FYN: variants seen among roughly 807,000 people sequenced by gnomAD.
FYN encodes the protein FYN proto-oncogene, Src family tyrosine kinase.
A neutral mutation model predicts 70.2 loss-of-function variants in FYN; 10 were observed. That is an observed-to-expected ratio of 0.14 (90% CI 0.09 to 0.24). FYN has a LOEUF of 0.24. Among genes scored for constraint, FYN ranks in the 10% least tolerant of loss-of-function variants. The probability of loss-of-function intolerance (pLI) is 1.00; values close to 1 mark genes in which losing one functional copy is unlikely to be tolerated. For missense variants in FYN, 319 were observed against 673.1 expected (o/e 0.47, Z 5.82); for synonymous variants, 236 against 248.6 (o/e 0.95, Z 0.48).
At chr6:111,741,368 C>T (rs1801955129) in intron 3 of FYN, among the ~76,000 whole-genome samples, 1 of 152,112 alleles carries the variant, frequency 6.6e-6, no homozygotes, top group South Asian at 2.1e-4. Context: ...ATGCTAATGG[C>T]TATGGTGAGA....
At chr6:111,728,861 C>T (rs1197600700) in intron 3 of FYN, among the ~76,000 whole-genome samples, 1 of 151,798 alleles carries the variant, frequency 6.6e-6, no homozygotes, top group East Asian at 1.9e-4. Flanking sequence ...ATTAATATTT[C>T]AATATATAAG....
At chr6:111,689,975 C>A (rs1369449576) in intron 12 of FYN, among the ~76,000 whole-genome samples, 1 of 152,226 alleles carries the variant, frequency 6.6e-6, no homozygotes, top group Non-Finnish European at 1.5e-5. Context: ...TGCTTACACA[C>A]AGCCATGTCT....
chr6:111,692,108 C>CA lies in FYN; in HGVS notation c.1273+2266_1273+2267insT, dbSNP rs112271937. Among the ~76,000 whole-genome samples the CA allele has an allele frequency of 1.6e-3, 242 of 149,620 alleles. 3 individuals are homozygous for CA. Among genetic ancestry groups the CA allele is most frequent in the African/African-American group, 5.3e-3 (219 of 41,000 alleles). The stretch of plus-strand genomic sequence containing the variant: ...GCCTTGCCAAGCTTCATTTCCCCCC[C>CA]CCCCAGTTCAGCTCTCCAGTTCACT... On this transcript the variant is annotated intron_variant, in intron 12 of 13. Coordinates refer to ENST00000354650, the MANE Select transcript of FYN (RefSeq NM_002037.5).
chr6:111,707,548 C>T (rs976952064), intron 6 of FYN, among the ~76,000 whole-genome samples: 1 of 146,960 alleles, frequency 6.8e-6, no homozygotes, highest in African/African-American at 2.7e-5. Context: ...CAATTACTTG[C>T]TACTCTCCCC....
intron 2 of FYN, among the ~76,000 whole-genome samples, chr6:111,818,332 C>T (rs1481225314): frequency 2.0e-5 from 3 of 152,068 alleles, no homozygotes; most frequent in Non-Finnish European, 4.4e-5. Flanking sequence ...CAGCACACAC[C>T]CAACACACAA....
chr6:111,682,671 T>C (rs948996580), intron 12 of FYN, among the ~76,000 whole-genome samples: 2 of 152,038 alleles, frequency 1.3e-5, no homozygotes, highest in Non-Finnish European at 2.9e-5. Flanking sequence ...TGGGATTGAG[T>C]GGTCACTTGT....
intron 3 of FYN, among the ~76,000 whole-genome samples, chr6:111,765,801 G>A (rs1803208313): frequency 6.6e-6 from 1 of 151,388 alleles, no homozygotes. Flanking sequence ...GATCCTTGCA[G>A]CAGATTAGAC....
Position 111,674,492 on chromosome 6 carries a change from C to G in FYN, c.1405+7G>C. 1.2e-6 allele frequency: 2 copies of G among 1,611,036 alleles called. No individual in the cohort carries two copies. Among genetic ancestry groups the G allele is most frequent in the Non-Finnish European group, 1.7e-6 (2 of 1,178,194 alleles). On this transcript the variant is annotated splice_region_variant and intron_variant, in intron 13 of 13. Transcript: ENST00000354650. ...TCAGGCCCATGTCTGTGAGGCCCTG[C>G]TCTTACCTGGGTATGGCACTCTTCC...
At position 111,855,262 on chromosome 6, in the gene FYN, G is replaced by A. The variant is rs1043334642; in HGVS notation, c.-122-8633C>T. 3.9e-5 allele frequency among the ~76,000 whole-genome samples: 6 copies of A among 152,154 alleles called. No individual in the cohort carries two copies. In the South Asian group the frequency reaches 8.3e-4, roughly 21 times the overall value. On this transcript the variant is annotated intron_variant, in intron 1 of 13. Transcript: ENST00000354650. ...AAGTTTATTTTGTCACAGGTAAAAC[G>A]TCTCATATTATTGTAAATGCTACTG... is the stretch of plus-strand genomic sequence containing the variant.
chr6:111,713,304 C>G (rs1001276674), intron 5 of FYN, among the ~76,000 whole-genome samples: 1 of 152,128 alleles, frequency 6.6e-6, no homozygotes, highest in Non-Finnish European at 1.5e-5. Flanking sequence ...GCAGTGTGAC[C>G]AGGGCTGCCT....
intron 3 of FYN, among the ~76,000 whole-genome samples, chr6:111,765,523 T>G (rs1317523707): frequency 2.0e-5 from 3 of 152,190 alleles, no homozygotes; most frequent in African/African-American, 7.2e-5. Flanking sequence ...AATATGATTC[T>G]GTTGTTGAAG....
At chr6:111,713,550 A>C (rs953440181) in intron 5 of FYN, among the ~76,000 whole-genome samples, 7 of 151,034 alleles carry the variant, frequency 4.6e-5, no homozygotes, top group East Asian at 2.0e-4. Context: ...CCACCCCCCC[A>C]CACTTTCTTC....
intron 12 of FYN, among the ~76,000 whole-genome samples, chr6:111,686,443 G>A (rs1181939351): frequency 6.6e-6 from 1 of 152,112 alleles, no homozygotes; most frequent in African/African-American, 2.4e-5. Flanking sequence ...TCTCTCCCTA[G>A]ACAGCCCTCA....
At chr6:111,666,334 G>A (rs751447936) in intron 13 of FYN, among the ~76,000 whole-genome samples, 13 of 152,284 alleles carry the variant, frequency 8.5e-5, no homozygotes, top group Non-Finnish European at 1.5e-4. Context: ...GAAGAGCCAC[G>A]TTCGAGCAGT....
At chr6:111,680,397 G>A (rs1798731476) in intron 12 of FYN, among the ~76,000 whole-genome samples, 1 of 152,192 alleles carries the variant, frequency 6.6e-6, no homozygotes, top group African/African-American at 2.4e-5. Flanking sequence ...ATAAGATGGG[G>A]TACAAGGACA....
intron 1 of FYN, among the ~76,000 whole-genome samples, chr6:111,867,902 T>G (rs1774160524): frequency 1.3e-5 from 2 of 152,214 alleles, no homozygotes; most frequent in Admixed American, 1.3e-4. Flanking sequence ...CAAGAATCTT[T>G]CTCAGTTTCT....
chr6:111,754,899 C>A (rs957162188), intron 3 of FYN, among the ~76,000 whole-genome samples: 1 of 151,102 alleles, frequency 6.6e-6, no homozygotes. Context: ...TAAAAGGACT[C>A]GAAATTCTGT....
chr6:111,811,809 G>C (rs1409850875), intron 2 of FYN, among the ~76,000 whole-genome samples: 1 of 152,222 alleles, frequency 6.6e-6, no homozygotes, highest in Non-Finnish European at 1.5e-5. Flanking sequence ...GCTGTGGGTT[G>C]CTAAACTGTC....
rs1186767915 is a variant in FYN at position 111,696,416 on chromosome 6, A to G, written c.903T>C (p.Leu301=). The part of the protein sequence containing the change: ...NGNTKVAIKT[L]KPGTMSPESF... Reference sequence around the variant, plus strand: ...ATTCGGGGGACATTGTGCCTGGTTTAAGAGTCTTTATGGCTACTTTTGTGT... The same window carrying G: ...ATTCGGGGGACATTGTGCCTGGTTTGAGAGTCTTTATGGCTACTTTTGTGT... Residue 301 remains leucine, a synonymous_variant, in exon 10 of 14, where the codon CTT becomes CTC. Transcript: ENST00000354650. 1 of 1,611,728 alleles carries G rather than the reference A, an allele frequency of 6.2e-7. No homozygotes were observed. Among genetic ancestry groups the G allele is most frequent in the South Asian group, 1.1e-5 (1 of 90,252 alleles).
Sources: allele counts gnomAD v4.1 joint callset (sites outside exome capture counted in the v4.1 genomes callset), GRCh38; gene constraint gnomAD v4.1.1; transcripts MANE v1.5; gene names NCBI Gene and HGNC (gene_info 2026-07-23, HGNC 2026-07-21).